GAD1: variants seen among roughly 807,000 people sequenced by gnomAD.
GAD1 encodes the protein glutamate decarboxylase 1.
In GAD1, 35 loss-of-function variants were observed where a neutral mutation model predicts 75.2. That is an observed-to-expected ratio of 0.47 (90% CI 0.36 to 0.62). GAD1 has a LOEUF of 0.62. GAD1 is among the 20% of genes least tolerant of loss of function. The pLI is 0.00. For missense variants in GAD1, 490 were observed against 758.5 expected (o/e 0.65, Z 4.16); for synonymous variants, 257 against 271.9 (o/e 0.95, Z 0.54).
rs1181653285 is a variant in GAD1, at chr2:170,860,825, T to A, written c.*943T>A. 1 of 152,660 alleles carries A rather than the reference T, an allele frequency of 6.6e-6. No individual in the cohort carries two copies. Among genetic ancestry groups the A allele is most frequent in the South Asian group, 2.1e-4 (1 of 4,830 alleles). The allele number at this position is 152,660 out of a possible 1,614,324, so 9.5% of individuals were successfully genotyped here. A position where few individuals can be genotyped will look rare whatever the true frequency, so the allele number is the denominator to read the frequency against. On this transcript the variant is annotated 3_prime_UTR_variant, in exon 17 of 17. Coordinates refer to ENST00000358196, the MANE Select transcript of GAD1 (RefSeq NM_000817.3). ...AATTCTAAGATTGTACATAAAGTCATATATATGGAAATCCTGTTACTTAAA... is the reference window on the plus strand; with the variant it reads ...AATTCTAAGATTGTACATAAAGTCAAATATATGGAAATCCTGTTACTTAAA...
intron 3 of GAD1, among the ~76,000 whole-genome samples, chr2:170,827,229 G>A (rs1702046304): frequency 6.6e-6 from 1 of 152,128 alleles, no homozygotes; most frequent in Non-Finnish European, 1.5e-5. Flanking sequence ...TGTAGTCCTG[G>A]GAAGCAAAGC....
At chr2:170,834,935 A>C (rs956576269) in intron 5 of GAD1, among the ~76,000 whole-genome samples, 4 of 151,854 alleles carry the variant, frequency 2.6e-5, no homozygotes, top group South Asian at 4.2e-4. Context: ...ATGCCTGGCT[A>C]ATTTTTGTAT....
intron 12 of GAD1, among the ~76,000 whole-genome samples, chr2:170,851,251 A>G (rs1036616035): frequency 1.3e-5 from 2 of 152,216 alleles, no homozygotes; most frequent in African/African-American, 4.8e-5. Context: ...GACCTTTAGG[A>G]TATGCAGAAA....
Position 170,849,367 on chromosome 2 carries a change from G to A in GAD1, c.1184+17G>A, listed in dbSNP as rs180969459. ...CATAGAAAGGTAACGGCCAGAACTCGCCAGGCCTCCTTCCACCCAGCACAT... is the reference window on the plus strand; with the variant it reads ...CATAGAAAGGTAACGGCCAGAACTCACCAGGCCTCCTTCCACCCAGCACAT... On this transcript the variant is annotated intron_variant, in intron 12 of 16. Coordinates refer to ENST00000358196, the MANE Select transcript of GAD1 (RefSeq NM_000817.3). 7.7e-5 allele frequency: 124 copies of A among 1,613,022 alleles called. No individual in the cohort carries two copies. In the African/African-American group the frequency reaches 9.9e-4, roughly 13 times the overall value.
chr2:170,818,392 G>A lies in GAD1; in HGVS notation c.-63-137G>A, dbSNP rs543234666. 472 of 622,622 alleles carry A rather than the reference G, an allele frequency of 7.6e-4. 4 individuals carry two copies. The East Asian group carries it at 0.012, about 15-fold the overall frequency. 38.6% of individuals were successfully genotyped at this position (622,622 alleles called of 1,614,324 possible). On this transcript the variant is annotated intron_variant, in intron 1 of 16. Transcript: ENST00000358196. This position sits in a 1 kb window ranked among gnomAD's most constrained non-coding sequence, Gnocchi z 5.9. ...CACCCCTGCGCACCCCTACCAGGCA[G>A]GCTCGCTGCCTTTCCTCCCTCTTGT...
chr2:170,853,291 T>C lies in GAD1; in HGVS notation c.1263+499T>C, dbSNP rs1575445816. ...AATGGTTGAGCCTCATATTCCCTTC[T>C]TCACATGCCTAATGTTAGGATCCTG... On this transcript the variant is annotated intron_variant, in intron 13 of 16. Coordinates refer to ENST00000358196, the MANE Select transcript of GAD1 (RefSeq NM_000817.3). The surrounding 1 kb of genome is among the most constrained non-coding windows in gnomAD (Gnocchi z 4.1). 1 of 208,780 alleles carries C rather than the reference T, an allele frequency of 4.8e-6. No individual in the cohort carries two copies. Among genetic ancestry groups the C allele is most frequent in the African/African-American group, 2.3e-5 (1 of 43,346 alleles). 12.9% of individuals were successfully genotyped at this position (208,780 alleles called of 1,614,324 possible). A position where few individuals can be genotyped will look rare whatever the true frequency, so the allele number is the denominator to read the frequency against.
intron 3 of GAD1, among the ~76,000 whole-genome samples, chr2:170,828,168 C>G (rs1223647957): frequency 9.0e-6 from 1 of 111,112 alleles, no homozygotes; most frequent in African/African-American, 3.0e-5. Flanking sequence ...CTCTGCTGTC[C>G]TCGCCCTCCT....
intron 3 of GAD1, among the ~76,000 whole-genome samples, chr2:170,824,607 C>T (rs191264942): frequency 6.6e-6 from 1 of 152,208 alleles, no homozygotes; most frequent in Admixed American, 6.5e-5. Context: ...AACCCCCACC[C>T]ACTCTCCCCC....
rs777673351 is a variant in GAD1 at position 170,849,365 on chromosome 2, T to A, written c.1184+15T>A. 1.9e-6 allele frequency: 3 copies of A among 1,613,372 alleles called. No homozygotes were observed. The highest frequency in any genetic ancestry group is 2.5e-6 in the Non-Finnish European group (3 of 1,179,446). Reference sequence around the variant, plus strand: ...GGCATAGAAAGGTAACGGCCAGAACTCGCCAGGCCTCCTTCCACCCAGCAC... The same window carrying A: ...GGCATAGAAAGGTAACGGCCAGAACACGCCAGGCCTCCTTCCACCCAGCAC... On this transcript the variant is annotated intron_variant, in intron 12 of 16. Transcript: ENST00000358196.
At chr2:170,844,864 G>A (rs375110433) in intron 7 of GAD1, among the ~76,000 whole-genome samples, 4 of 152,168 alleles carry the variant, frequency 2.6e-5, no homozygotes, top group African/African-American at 9.7e-5. Context: ...CCACAAATTT[G>A]CCTAAGTTTA....
intron 6 of GAD1, among the ~76,000 whole-genome samples, chr2:170,838,465 AGTT>A (rs1236097877): frequency 1.3e-5 from 2 of 152,220 alleles, no homozygotes; most frequent in Admixed American, 6.5e-5. Context: ...TAGGAAATAT[AGTT>A]GTTGTTTTTA....
chr2:170,854,836 T>C (rs533503669), intron 14 of GAD1, among the ~76,000 whole-genome samples: 1 of 152,320 alleles, frequency 6.6e-6, no homozygotes, highest in Admixed American at 6.5e-5. Flanking sequence ...TTGTGAAAAA[T>C]CCTACTTTTA....
chr2:170,855,959 G>A (rs1299356550), intron 14 of GAD1, among the ~76,000 whole-genome samples: 3 of 151,028 alleles, frequency 2.0e-5, no homozygotes, highest in African/African-American at 7.3e-5. Context: ...CACACAACCT[G>A]TTTCAGTAAT....
upstream of GAD1, among the ~76,000 whole-genome samples, chr2:170,813,949 C>T (rs1701654085): frequency 6.6e-6 from 1 of 152,152 alleles, no homozygotes; most frequent in Non-Finnish European, 1.5e-5. Context: ...GCCGCGTTCC[C>T]ATTTCTTCAA....
chr2:170,816,578 T>A (rs1701702236), upstream of GAD1: 1 of 151,892 alleles, frequency 6.6e-6, no homozygotes, highest in African/African-American at 2.4e-5. Flanking sequence ...TTCGTAGGAA[T>A]TATCTTTTCC....
intron 2 of GAD1, 59 bp from the exon 3 acceptor site, chr2:170,822,028 C>T (rs1701894281): frequency 4.4e-6 from 6 of 1,377,616 alleles, no homozygotes; most frequent in African/African-American, 4.3e-5. Flanking sequence ...TGTCCTCCAC[C>T]CATTTCCCCG....
Position 170,818,429 on chromosome 2 carries a change from C to T in GAD1, c.-63-100C>T, listed in dbSNP as rs528767539. On this transcript the variant is annotated intron_variant, in intron 1 of 16. Transcript: ENST00000358196. This position sits in a 1 kb window ranked among gnomAD's most constrained non-coding sequence, Gnocchi z 5.9. The stretch of plus-strand genomic sequence containing the variant: ...TTCCTCCCTCTTGTCTCTCCAGAGC[C>T]GGATCTTCAAGGGGAGCCTCCGTGC... 2.1e-5 allele frequency: 15 copies of T among 715,168 alleles called. No homozygotes were observed. Among genetic ancestry groups the T allele is most frequent in the Non-Finnish European group, 3.8e-5 (15 of 391,272 alleles). The allele number at this position is 715,168 out of a possible 1,614,324, so 44.3% of individuals were successfully genotyped here.
intron 5 of GAD1, 77 bp downstream of exon 5, chr2:170,831,269 A>T (rs1230939081): frequency 1.3e-6 from 2 of 1,512,618 alleles, no homozygotes; most frequent in African/African-American, 2.7e-5. Flanking sequence ...GAGGATATCA[A>T]ACTTGTGTTG....
At chr2:170,836,529 C>G (rs932081600) in intron 5 of GAD1, among the ~76,000 whole-genome samples, 6 of 152,194 alleles carry the variant, frequency 3.9e-5, no homozygotes, top group South Asian at 4.1e-4. Context: ...CACTGGAAAG[C>G]ATGATTTGTT....
Sources: gnomAD v4.1 joint callset for allele counts (sites outside exome capture counted in the v4.1 genomes callset) on GRCh38, gnomAD v4.1.1 for gene constraint, Gnocchi (gnomAD v3.1) non-coding constraint, MANE v1.5 for transcripts, NCBI Gene and HGNC (gene_info 2026-07-23, HGNC 2026-07-21) for gene names.